TMC2: variants seen among roughly 807,000 people sequenced by gnomAD.
The protein encoded by TMC2 is transmembrane channel like 2.
TMC2 carries 102 observed loss-of-function variants against 105.9 expected under a neutral mutation model. The observed-to-expected ratio is 0.96, with a 90% CI of 0.82 to 1.14. TMC2 has a LOEUF of 1.14. TMC2 is among the 50% of genes most tolerant of loss of function. The probability of loss-of-function intolerance (pLI) is 0.00; values close to 1 mark genes in which losing one functional copy is unlikely to be tolerated. For synonymous variants in TMC2, 402 were observed against 422.8 expected (o/e 0.95, Z 0.60); for missense variants, 1,093 against 1,134.3 (o/e 0.96, Z 0.52).
At chr20:2,559,241 C>T (rs1171487805) in intron 3 of TMC2, among the ~76,000 whole-genome samples, 1 of 152,220 alleles carries the variant, frequency 6.6e-6, no homozygotes, top group Non-Finnish European at 1.5e-5. Flanking sequence ...GGATCTGGGC[C>T]AGTTTCCTCT....
chr20:2,582,464 A>T (rs6037019), intron 7 of TMC2, among the ~76,000 whole-genome samples: 19,255 of 152,012 alleles, frequency 0.13, 2,322 homozygotes, highest in African/African-American at 0.32. Context: ...ATGACTTTTT[A>T]AAAAAATTAT....
At chr20:2,551,007 T>C (rs536235929) in intron 2 of TMC2, among the ~76,000 whole-genome samples, 5 of 152,332 alleles carry the variant, frequency 3.3e-5, no homozygotes, top group Admixed American at 3.3e-4. Context: ...CACCTCGGAG[T>C]GCAAATGCTG....
intron 2 of TMC2, among the ~76,000 whole-genome samples, chr20:2,550,810 G>A (rs923370471): frequency 6.6e-6 from 1 of 152,016 alleles, no homozygotes; most frequent in Admixed American, 6.6e-5. Context: ...TCTTTTCATC[G>A]CTTGAAAGTT....
intron 7 of TMC2, among the ~76,000 whole-genome samples, chr20:2,586,073 C>A (rs1398915093): frequency 6.6e-6 from 1 of 152,148 alleles, no homozygotes; most frequent in Admixed American, 6.5e-5. Context: ...ACATCCCTTC[C>A]ACATGCAGAA....
In TMC2 at chr20:2,558,581, C is replaced by A. The variant is rs200576761; in HGVS notation, c.208C>A (p.Arg70=). Residue 70 remains arginine (R), a synonymous_variant, in exon 3 of 20, where the codon CGG becomes AGG. Transcript: ENST00000358864. The surrounding 1 kb of genome is among the most constrained non-coding windows in gnomAD (Gnocchi z 4.6). ...GGGCAGCCCAAGCCCGGGGTCTCCC[C>A]GGAGGAAGCAAACAGGGCGCAGGAG... is the stretch of plus-strand genomic sequence containing the variant. ...AGGSPSPGSP[R]RKQTGRRRHR... 57 of 1,553,694 alleles carry A rather than the reference C, an allele frequency of 3.7e-5. No individual in the cohort carries two copies. The highest frequency in any genetic ancestry group is 5.0e-5 in the Non-Finnish European group (57 of 1,148,258).
At chr20:2,597,358 A>G in intron 10 of TMC2, 60 bp downstream of exon 10, 1 of 1,527,474 alleles carries the variant, frequency 6.5e-7, no homozygotes, top group Non-Finnish European at 9.0e-7. Context: ...GGTCATTGAG[A>G]GACTTCTCCC....
chr20:2,581,027 G>A (rs972252867), intron 7 of TMC2, among the ~76,000 whole-genome samples: 1 of 152,162 alleles, frequency 6.6e-6, no homozygotes, highest in African/African-American at 2.4e-5. Flanking sequence ...GCTTTCAGAG[G>A]AACAGTATGT....
At chr20:2,639,596 G>A (rs1038877806) in intron 19 of TMC2, among the ~76,000 whole-genome samples, 16 of 152,276 alleles carry the variant, frequency 1.1e-4, no homozygotes, top group African/African-American at 3.1e-4. Context: ...ATCACCTAAT[G>A]ATGCATTTCT....
intron 6 of TMC2, 107 bp from the exon 7 acceptor site, chr20:2,579,843 T>C (rs1291088253): frequency 7.5e-6 from 5 of 664,830 alleles, no homozygotes; most frequent in Non-Finnish European, 8.0e-6. Flanking sequence ...CCAGGTGTCA[T>C]TCAACAGACT....
At chr20:2,550,628 C>A (rs1197856885) in intron 2 of TMC2, among the ~76,000 whole-genome samples, 1 of 152,184 alleles carries the variant, frequency 6.6e-6, no homozygotes, top group Admixed American at 6.5e-5. Flanking sequence ...TGTGGCCCAC[C>A]TATTCAACCC....
At position 2,616,215 on chromosome 20, in the gene TMC2, C is replaced by A; in HGVS notation, c.1940+11C>A. 1 of 1,608,344 alleles carries A rather than the reference C, an allele frequency of 6.2e-7. No homozygotes were observed. Reference sequence around the variant, plus strand: ...CCAAGGAATGATCTGGTGAGTTATCCATTTCATCTGGTGATCGCCTCATCC... The same window carrying A: ...CCAAGGAATGATCTGGTGAGTTATCAATTTCATCTGGTGATCGCCTCATCC... On this transcript the variant is annotated intron_variant, in intron 15 of 19. Coordinates refer to ENST00000358864, the MANE Select transcript of TMC2 (RefSeq NM_080751.3). This position sits in a 1 kb window ranked among gnomAD's most constrained non-coding sequence, Gnocchi z 4.8.
At chr20:2,538,094 C>G (rs1421083625) in intron 2 of TMC2, among the ~76,000 whole-genome samples, 3 of 152,038 alleles carry the variant, frequency 2.0e-5, no homozygotes, top group Admixed American at 1.3e-4. Context: ...AGGGCCCTGT[C>G]CTGGCCCCAC....
At chr20:2,550,483 G>T (rs2085950470) in intron 2 of TMC2, among the ~76,000 whole-genome samples, 1 of 152,136 alleles carries the variant, frequency 6.6e-6, no homozygotes, top group East Asian at 1.9e-4. Context: ...GGCCAATACG[G>T]ATACATTATT....
chr20:2,560,760 C>T (rs1176548122), intron 3 of TMC2, among the ~76,000 whole-genome samples: 1 of 151,818 alleles, frequency 6.6e-6, no homozygotes, highest in Non-Finnish European at 1.5e-5. Context: ...TGGCGTGAAC[C>T]CAGGAGGTGG....
At position 2,617,312 on chromosome 20, in the gene TMC2, G is replaced by T. The variant is rs1427456626; in HGVS notation, c.2180+1G>T. ...CCTCCTTTGACTGCGGGCCGTTCAG[G>T]TGCAGAGTCTCAGTTGCCCGGGAGC... On this transcript the variant is annotated splice_donor_variant, in intron 16 of 19. Transcript: ENST00000358864. LOFTEE classifies it high-confidence loss of function. 1 of 1,613,984 alleles carries T rather than the reference G, an allele frequency of 6.2e-7. No homozygotes were observed. Among genetic ancestry groups the T allele is most frequent in the Non-Finnish European group, 8.5e-7 (1 of 1,180,002 alleles).
chr20:2,601,609 G>A (rs2086352096), intron 10 of TMC2, among the ~76,000 whole-genome samples: 1 of 152,152 alleles, frequency 6.6e-6, no homozygotes, highest in Non-Finnish European at 1.5e-5. Context: ...GGGAGGCTGA[G>A]GCAGGCAGAT....
intron 10 of TMC2, among the ~76,000 whole-genome samples, chr20:2,598,394 C>CTTTATTTATTTA (rs71193979): frequency 0.012 from 1,749 of 139,934 alleles, 22 homozygotes; most frequent in East Asian, 0.045. Flanking sequence ...CTTGCCTCTA[C>CTTTATTTATTTA]TTTATTTATT....
intron 5 of TMC2, among the ~76,000 whole-genome samples, chr20:2,576,984 C>T (rs111906895): frequency 0.027 from 3,952 of 148,064 alleles, 162 homozygotes; most frequent in African/African-American, 0.09. Flanking sequence ...TCTTGGCTCA[C>T]TGCAACCTCC....
In TMC2 at chr20:2,572,274, GT is replaced by G; in HGVS notation, c.645+6del. ...TACAAGATGCTGATGGCCAAGGTGT[GT>G]GGGGTGGGGGCAGTGAATCTGTTGG... On this transcript the variant is annotated splice_donor_region_variant and intron_variant, in intron 5 of 19. Coordinates refer to ENST00000358864, the MANE Select transcript of TMC2 (RefSeq NM_080751.3). The G allele has an allele frequency of 6.2e-7, 1 of 1,609,642 alleles. No individual in the cohort carries two copies. Among genetic ancestry groups the G allele is most frequent in the Non-Finnish European group, 8.5e-7 (1 of 1,176,198 alleles).
Sources: gnomAD v4.1 joint callset for allele counts (sites outside exome capture counted in the v4.1 genomes callset) on GRCh38, gnomAD v4.1.1 for gene constraint, Gnocchi (gnomAD v3.1) non-coding constraint, MANE v1.5 for transcripts, NCBI Gene and HGNC (gene_info 2026-07-23, HGNC 2026-07-21) for gene names.